IL1RAPL1: variants seen among roughly 807,000 people sequenced by gnomAD.
IL1RAPL1 encodes interleukin 1 receptor accessory protein like 1.
IL1RAPL1 carries 3 observed loss-of-function variants against 48.4 expected under a neutral mutation model. The observed-to-expected ratio is 0.06, with a 90% CI of 0.03 to 0.16. The LOEUF is 0.16. Ranked by LOEUF, IL1RAPL1 falls within the 10% of genes least tolerant of loss-of-function variation. The pLI is 1.00. For synonymous variants in IL1RAPL1, 185 were observed against 187.7 expected, an observed-to-expected ratio of 0.99 and a Z score of 0.12; for missense variants, 349 against 530.6, an observed-to-expected ratio of 0.66 and a Z score of 3.36.
intron 6 of IL1RAPL1, among the ~76,000 whole-genome samples, chrX:29,907,350 CTTT>C (rs895596099): frequency 2.7e-5 from 3 of 110,864 alleles, no homozygotes; most frequent in South Asian, 3.7e-4. Flanking sequence ...TAATCTTGCA[CTTT>C]TTTGTTATTT....
rs1357717366 is a variant in IL1RAPL1 at position 29,920,107 on chromosome X, T to C, written c.1057+13T>C. ...CTTCATAAACGAGGTGAGTGTAACC[T>C]TCTAAGCTTCGGTGGTCAACTGAAT... On this transcript the variant is annotated intron_variant, in intron 8 of 10. Transcript: ENST00000378993. The C allele has an allele frequency of 8.3e-7, 1 of 1,210,361 alleles. No individual in the cohort carries two copies. Among genetic ancestry groups the C allele is most frequent in the Non-Finnish European group, 1.1e-6 (1 of 894,490 alleles).
At chrX:29,150,823 G>A (rs1021216581) in intron 2 of IL1RAPL1, among the ~76,000 whole-genome samples, 5 of 107,384 alleles carry the variant, frequency 4.7e-5, no homozygotes, top group African/African-American at 1.4e-4. Context: ...TCAGGAGGCC[G>A]AGGCAGGAGA....
chrX:29,800,830 C>CAA (rs368811843), intron 6 of IL1RAPL1, among the ~76,000 whole-genome samples: 15 of 36,359 alleles, frequency 4.1e-4, no homozygotes, highest in Admixed American at 3.2e-3. Flanking sequence ...ACTAAAAATA[C>CAA]AAAAAAAAAA....
At chrX:29,259,123 G>GGGGTTTATGGTGTAAGCCTTTTC (rs1931807082) in intron 2 of IL1RAPL1, among the ~76,000 whole-genome samples, 2 of 111,669 alleles carry the variant, frequency 1.8e-5, no homozygotes, top group African/African-American at 6.5e-5. Flanking sequence ...AGCTCTTCAA[G>GGGGTTTATGGTGTAAGCCTTTTC]GGGTTTATGG....
At chrX:28,819,698 T>C (rs1420654941) in intron 2 of IL1RAPL1, among the ~76,000 whole-genome samples, 1 of 108,845 alleles carries the variant, frequency 9.2e-6, no homozygotes, top group Non-Finnish European at 1.9e-5. Flanking sequence ...AATAAAATTG[T>C]GTAAGATCAG....
chrX:29,381,814 CAAA>C lies in IL1RAPL1; in HGVS notation c.363-14426_363-14424del, dbSNP rs1213630768. Reference sequence around the variant, plus strand: ...CTGGGTGACAGAGCAAGACTGTTGCCAAAAAAAAAAAAAAAAAAAATATATATA... The same window carrying C: ...CTGGGTGACAGAGCAAGACTGTTGCCAAAAAAAAAAAAAAAAATATATATA... On this transcript the variant is annotated intron_variant, in intron 3 of 10. Transcript: ENST00000378993. 9.5e-3 allele frequency among the ~76,000 whole-genome samples: 317 copies of C among 33,240 alleles called. 1 individual carries two copies. Among genetic ancestry groups the C allele is most frequent in the Middle Eastern group, 0.024 (1 of 41 alleles). 28.9% of individuals were successfully genotyped at this position (33,240 alleles called of 115,157 possible). A position where few individuals can be genotyped will look rare whatever the true frequency, so the allele number is the denominator to read the frequency against.
At chrX:29,595,457 T>C (rs962106935) in intron 5 of IL1RAPL1, among the ~76,000 whole-genome samples, 4 of 112,065 alleles carry the variant, frequency 3.6e-5, no homozygotes, top group African/African-American at 1.3e-4. Flanking sequence ...TGGTATCACA[T>C]TGTGGTTTTG....
intron 1 of IL1RAPL1, among the ~76,000 whole-genome samples, chrX:28,759,591 A>G (rs186050583): frequency 1.8e-5 from 2 of 112,267 alleles, no homozygotes; most frequent in Non-Finnish European, 3.8e-5. Context: ...GGAAGGAAGC[A>G]TACATTTGGC....
intron 2 of IL1RAPL1, among the ~76,000 whole-genome samples, chrX:28,898,562 G>A (rs768525316): frequency 2.8e-5 from 3 of 109,091 alleles, no homozygotes; most frequent in South Asian, 4.0e-4. Context: ...CAGTCCTACC[G>A]CCTCTGCCTC....
chrX:28,974,570 T>C (rs753607824), intron 2 of IL1RAPL1, among the ~76,000 whole-genome samples: 1 of 112,202 alleles, frequency 8.9e-6, no homozygotes, highest in South Asian at 3.7e-4. Context: ...TTCCTACTGA[T>C]AATATCTTTT....
intron 6 of IL1RAPL1, among the ~76,000 whole-genome samples, chrX:29,905,897 C>T (rs1601876048): frequency 9.0e-6 from 1 of 111,204 alleles, no homozygotes; most frequent in African/African-American, 3.3e-5. Flanking sequence ...AATATCAAAG[C>T]AGCAGATTTA....
intron 3 of IL1RAPL1, among the ~76,000 whole-genome samples, chrX:29,375,844 C>T (rs190971784): frequency 4.2e-4 from 47 of 112,301 alleles, no homozygotes; most frequent in African/African-American, 1.5e-3. Flanking sequence ...AATTTGTTTG[C>T]ATAGAGTTGT....
At chrX:29,497,285 A>G (rs1445021815) in intron 5 of IL1RAPL1, among the ~76,000 whole-genome samples, 1 of 111,217 alleles carries the variant, frequency 9.0e-6, no homozygotes, top group African/African-American at 3.3e-5. Context: ...TTCAGCTCCT[A>G]GGTTTATAGA....
intron 2 of IL1RAPL1, among the ~76,000 whole-genome samples, chrX:28,924,991 A>G (rs1923705009): frequency 8.9e-6 from 1 of 111,737 alleles, no homozygotes; most frequent in Non-Finnish European, 1.9e-5. Context: ...GACTTTTCGT[A>G]TACCACCTGT....
At chrX:29,263,845 CTT>C (rs1211547087) in intron 2 of IL1RAPL1, among the ~76,000 whole-genome samples, 21 of 70,091 alleles carry the variant, frequency 3.0e-4, no homozygotes, top group Admixed American at 1.2e-3. Context: ...CTCTCTCTCT[CTT>C]TCTCTCTCTC....
intron 2 of IL1RAPL1, among the ~76,000 whole-genome samples, chrX:28,832,812 A>AT (rs1293518442): frequency 7.4e-5 from 5 of 67,144 alleles, no homozygotes; most frequent in Non-Finnish European, 1.4e-4. Flanking sequence ...TAAATTTCTT[A>AT]TTTTTTTCAA....
rs776219208 is a variant in IL1RAPL1, at chrX:28,696,495, A to G, written c.-24-92825A>G. On this transcript the variant is annotated intron_variant, in intron 1 of 10. Coordinates refer to ENST00000378993, the MANE Select transcript of IL1RAPL1 (RefSeq NM_014271.4). The stretch of plus-strand genomic sequence containing the variant: ...GTATGGAAATTATAGTTAATAATTT[A>G]TAATATATTTCAAAATAGGTATAAG... 5.4e-5 allele frequency among the ~76,000 whole-genome samples: 6 copies of G among 111,544 alleles called. No individual in the cohort carries two copies. The East Asian group carries it at 1.4e-3, about 26-fold the overall frequency.
intron 2 of IL1RAPL1, among the ~76,000 whole-genome samples, chrX:28,849,915 C>CCAGT (rs1921616444): frequency 8.9e-6 from 1 of 111,876 alleles, no homozygotes; most frequent in Non-Finnish European, 1.9e-5. Flanking sequence ...TCAACTAATG[C>CCAGT]CAGTACTCCC....
At chrX:28,668,554 G>A (rs145868792) in intron 1 of IL1RAPL1, among the ~76,000 whole-genome samples, 251 of 113,430 alleles carry the variant, frequency 2.2e-3, no homozygotes, top group Non-Finnish European at 4.0e-3. Context: ...CACCGCACCC[G>A]GCCAAGAATT....
Sources: gnomAD v4.1 joint callset for allele counts (sites outside exome capture counted in the v4.1 genomes callset) on GRCh38, gnomAD v4.1.1 for gene constraint, MANE v1.5 for transcripts, NCBI Gene and HGNC (gene_info 2026-07-23, HGNC 2026-07-21) for gene names.